ZNF804B: variants seen among roughly 807,000 people sequenced by gnomAD.
ZNF804B encodes zinc finger protein 804B, also known as zinc finger 804B.
In ZNF804B, 80 loss-of-function variants were observed where a neutral mutation model predicts 101.4. That is an observed-to-expected ratio of 0.79 (90% CI 0.66 to 0.95). ZNF804B has a LOEUF of 0.95. ZNF804B is among the 40% of genes least tolerant of loss of function. The pLI is 0.00. For synonymous variants in ZNF804B, 622 were observed against 558.8 expected (o/e 1.11, Z -1.59); for missense variants, 1,673 against 1,561.9 (o/e 1.07, Z -1.20).
chr7:88,990,315 T>A (rs1793827013), intron 1 of ZNF804B, among the ~76,000 whole-genome samples: 2 of 152,090 alleles, frequency 1.3e-5, no homozygotes, highest in Non-Finnish European at 2.9e-5. Context: ...GGGTATTTTT[T>A]AAAATAAGTG....
chr7:88,824,043 G>A (rs1469507858), intron 1 of ZNF804B, among the ~76,000 whole-genome samples: 1 of 152,138 alleles, frequency 6.6e-6, no homozygotes, highest in African/African-American at 2.4e-5. Context: ...ATGTACAATA[G>A]CCTGTGTCCT....
chr7:89,017,812 G>A (rs545201830), intron 1 of ZNF804B, among the ~76,000 whole-genome samples: 1 of 151,866 alleles, frequency 6.6e-6, no homozygotes. Context: ...TTTTATTTCA[G>A]CTAGTTCCTT....
chr7:89,168,549 C>T (rs1004527362), intron 1 of ZNF804B, among the ~76,000 whole-genome samples: 4 of 152,008 alleles, frequency 2.6e-5, no homozygotes, highest in African/African-American at 9.7e-5. Flanking sequence ...CTAGCTAATG[C>T]TATTAGGACT....
At chr7:88,942,114 A>G (rs1024507) in intron 1 of ZNF804B, among the ~76,000 whole-genome samples, 15,564 of 151,890 alleles carry the variant, frequency 0.1, 876 homozygotes, top group South Asian at 0.18. Context: ...CCCATGAAAT[A>G]TGTATCTACT....
chr7:89,170,179 C>T (rs984817920), intron 1 of ZNF804B, among the ~76,000 whole-genome samples: 1 of 152,170 alleles, frequency 6.6e-6, no homozygotes, highest in Non-Finnish European at 1.5e-5. Flanking sequence ...TATGAAAACA[C>T]ATTTCAAGTT....
At chr7:89,271,999 G>A (rs1789906047) in intron 2 of ZNF804B, among the ~76,000 whole-genome samples, 1 of 151,846 alleles carries the variant, frequency 6.6e-6, no homozygotes, top group Non-Finnish European at 1.5e-5. Context: ...AACCTTCATT[G>A]TGTCTTTTTA....
At chr7:89,178,229 C>G (rs943374159) in intron 1 of ZNF804B, among the ~76,000 whole-genome samples, 4 of 151,636 alleles carry the variant, frequency 2.6e-5, no homozygotes, top group Admixed American at 6.6e-5. Context: ...TTTACATACT[C>G]TATGTCTTTT....
At chr7:88,780,504 C>A (rs1010125689) in intron 1 of ZNF804B, among the ~76,000 whole-genome samples, 3 of 151,078 alleles carry the variant, frequency 2.0e-5, no homozygotes, top group Non-Finnish European at 4.4e-5. Context: ...ATCCTCCCAC[C>A]TGAGCCTCCT....
chr7:88,927,302 A>G (rs1007138986), intron 1 of ZNF804B, among the ~76,000 whole-genome samples: 6 of 152,326 alleles, frequency 3.9e-5, no homozygotes, highest in East Asian at 1.9e-4. Context: ...ATAATCAGAT[A>G]CATTTCTGAA....
chr7:88,897,364 A>G (rs1333325376), intron 1 of ZNF804B, among the ~76,000 whole-genome samples: 1 of 152,162 alleles, frequency 6.6e-6, no homozygotes. Flanking sequence ...AAGACCATGG[A>G]AGGGGCTCAA....
chr7:88,843,811 C>A (rs1791325707), intron 1 of ZNF804B, among the ~76,000 whole-genome samples: 1 of 152,030 alleles, frequency 6.6e-6, no homozygotes, highest in Admixed American at 6.6e-5. Context: ...ACTTCTAAAT[C>A]ACAATGGCAA....
rs576838701 is a variant in ZNF804B, at chr7:89,289,904, C to G, written c.250-37440C>G. 9.8e-5 allele frequency among the ~76,000 whole-genome samples: 15 copies of G among 152,344 alleles called. No homozygotes were observed. The South Asian group carries it at 2.9e-3, about 29-fold the overall frequency. On this transcript the variant is annotated intron_variant, in intron 2 of 3. Coordinates refer to ENST00000333190, the MANE Select transcript of ZNF804B (RefSeq NM_181646.5). ...GTGGCTAAGAAAGCATTTGCACCAT[C>G]CCTTTCCCAATCCCAGGCAGCACAG...
chr7:89,267,433 T>C (rs554133455), intron 2 of ZNF804B, among the ~76,000 whole-genome samples: 4 of 152,304 alleles, frequency 2.6e-5, no homozygotes, highest in South Asian at 2.1e-4. Flanking sequence ...AAGCAATAAT[T>C]AGTTTTAAAC....
At chr7:88,841,475 A>G (rs1161632786) in intron 1 of ZNF804B, among the ~76,000 whole-genome samples, 1 of 152,182 alleles carries the variant, frequency 6.6e-6, no homozygotes, top group Non-Finnish European at 1.5e-5. Flanking sequence ...ATTGTTACTC[A>G]TCAATGCTGG....
intron 2 of ZNF804B, among the ~76,000 whole-genome samples, chr7:89,302,164 T>C (rs1790485510): frequency 6.6e-6 from 1 of 151,924 alleles, no homozygotes; most frequent in Non-Finnish European, 1.5e-5. Context: ...CACATTCTGC[T>C]GTGCAATAAG....
At chr7:89,131,368 C>A (rs1464556878) in intron 1 of ZNF804B, among the ~76,000 whole-genome samples, 1 of 151,944 alleles carries the variant, frequency 6.6e-6, no homozygotes, top group Non-Finnish European at 1.5e-5. Flanking sequence ...TTTTAGAAGA[C>A]AGATATTAGT....
chr7:89,153,607 T>C (rs141915661), intron 1 of ZNF804B, among the ~76,000 whole-genome samples: 1 of 152,162 alleles, frequency 6.6e-6, no homozygotes, highest in Non-Finnish European at 1.5e-5. Flanking sequence ...AAGAAAAATT[T>C]AACATTTCTA....
At chr7:88,940,890 A>G (rs981257048) in intron 1 of ZNF804B, among the ~76,000 whole-genome samples, 5 of 151,282 alleles carry the variant, frequency 3.3e-5, no homozygotes, top group African/African-American at 9.7e-5. Flanking sequence ...AAGAACTGTT[A>G]TCTAAAATAA....
chr7:89,167,871 A>G (rs1326077563), intron 1 of ZNF804B, among the ~76,000 whole-genome samples: 1 of 152,146 alleles, frequency 6.6e-6, no homozygotes, highest in Admixed American at 6.5e-5. Flanking sequence ...TATATCTTAA[A>G]TGGAAACTAA....
Sources: allele counts gnomAD v4.1 joint callset (sites outside exome capture counted in the v4.1 genomes callset), GRCh38; gene constraint gnomAD v4.1.1; transcripts MANE v1.5; gene names NCBI Gene and HGNC (gene_info 2026-07-23, HGNC 2026-07-21).